The following ZHX3 variants were observed in gnomAD, a reference collection of about 807,000 sequenced individuals.
ZHX3 encodes the protein zinc fingers and homeoboxes protein 3.
ZHX3 carries 20 observed loss-of-function variants against 64.5 expected under a neutral mutation model. The ratio of observed to expected loss-of-function variants is 0.31; its 90% CI spans 0.22 to 0.45. ZHX3 has a LOEUF of 0.45. ZHX3 is among the 20% of genes least tolerant of loss of function. The pLI, the probability that ZHX3 is intolerant of heterozygous loss-of-function variation, is 1.00. For missense variants in ZHX3, 1,041 were observed against 1,195.8 expected (o/e 0.87, Z 1.91); for synonymous variants, 423 against 461.6 (o/e 0.92, Z 1.07).
intron 2 of ZHX3, among the ~76,000 whole-genome samples, chr20:41,233,487 G>A (rs889076281): frequency 5.3e-5 from 8 of 152,192 alleles, no homozygotes; most frequent in Non-Finnish European, 1.2e-4. Context: ...CCATCTTGTT[G>A]CCAGATGGGA....
Position 41,184,779 on chromosome 20 carries a change from A to T in ZHX3, c.*412T>A. 1 of 1,039,906 alleles carries T rather than the reference A, an allele frequency of 9.6e-7. No homozygotes were observed. Among genetic ancestry groups the T allele is most frequent in the South Asian group, 1.7e-5 (1 of 58,620 alleles). 64.4% of individuals were successfully genotyped at this position (1,039,906 alleles called of 1,614,324 possible). A position where few individuals can be genotyped will look rare whatever the true frequency, so the allele number is the denominator to read the frequency against. On this transcript the variant is annotated 3_prime_UTR_variant, in exon 4 of 4. Transcript: ENST00000683867. Reference sequence around the variant, plus strand: ...CACAGGTCATTTTTAGAGATGACGTAACTGACAATGCACTGCTTGGCTAAC... The same window carrying T: ...CACAGGTCATTTTTAGAGATGACGTTACTGACAATGCACTGCTTGGCTAAC...
chr20:41,242,110 T>C (rs2041419953), intron 2 of ZHX3, among the ~76,000 whole-genome samples: 1 of 152,160 alleles, frequency 6.6e-6, no homozygotes, highest in Admixed American at 6.6e-5. Context: ...ACTATAGTTG[T>C]CTCTGCCCTC....
chr20:41,245,057 G>C (rs1478241838), intron 2 of ZHX3, among the ~76,000 whole-genome samples: 1 of 152,190 alleles, frequency 6.6e-6, no homozygotes, highest in Non-Finnish European at 1.5e-5. Flanking sequence ...AGGTAAAGCT[G>C]AGGCTGGGGA....
intron 1 of ZHX3, among the ~76,000 whole-genome samples, chr20:41,277,261 C>G (rs752803085): frequency 3.4e-4 from 51 of 152,140 alleles, no homozygotes; most frequent in Non-Finnish European, 6.8e-4. Context: ...CCCAGGAGTT[C>G]AAGGTCAGCC....
Position 41,184,411 on chromosome 20 carries a change from A to G in ZHX3, c.*780T>C, listed in dbSNP as rs1199863045. The G allele has an allele frequency of 6.5e-6, 1 of 154,548 alleles. No homozygotes were observed. Among genetic ancestry groups the G allele is most frequent in the Non-Finnish European group, 1.4e-5 (1 of 69,738 alleles). 9.6% of individuals were successfully genotyped at this position (154,548 alleles called of 1,614,324 possible). A position where few individuals can be genotyped will look rare whatever the true frequency, so the allele number is the denominator to read the frequency against. On this transcript the variant is annotated 3_prime_UTR_variant, in exon 4 of 4. Coordinates refer to ENST00000683867, the MANE Select transcript of ZHX3 (RefSeq NM_001384317.1). ...GTTTCTTTAGTTGATCTGATAACTG[A>G]AAAGTTATGGTCCATGATTCAAACT...
chr20:41,222,298 G>T (rs1220178927), intron 2 of ZHX3, among the ~76,000 whole-genome samples: 1 of 152,190 alleles, frequency 6.6e-6, no homozygotes, highest in Non-Finnish European at 1.5e-5. Flanking sequence ...CAAGATTTTT[G>T]ATCTAAGCAA....
chr20:41,299,076 T>A (rs915604862), intron 1 of ZHX3, among the ~76,000 whole-genome samples: 1 of 152,140 alleles, frequency 6.6e-6, no homozygotes, highest in Non-Finnish European at 1.5e-5. Flanking sequence ...ACACCAGAAA[T>A]AAACATAATT....
chr20:41,261,175 G>C (rs1045701769), intron 2 of ZHX3, among the ~76,000 whole-genome samples: 8 of 151,984 alleles, frequency 5.3e-5, no homozygotes, highest in African/African-American at 1.9e-4. Flanking sequence ...TGAGAAGGAA[G>C]AGAGAAAAAA....
chr20:41,253,564 G>A (rs1368628512), intron 2 of ZHX3, among the ~76,000 whole-genome samples: 1 of 152,088 alleles, frequency 6.6e-6, no homozygotes, highest in Non-Finnish European at 1.5e-5. Flanking sequence ...ATTCCTCTGG[G>A]GAGTAGGGGT....
In ZHX3 at chr20:41,195,326, G is replaced by A. The variant is rs2146170624; in HGVS notation, c.2860+6731C>T. 6.6e-6 allele frequency among the ~76,000 whole-genome samples: 1 copy of A among 152,230 alleles called. No homozygotes were observed. Among genetic ancestry groups the A allele is most frequent in the East Asian group, 1.9e-4 (1 of 5,186 alleles). ...AGACAGGATCCCACTTTGTTACCCA[G>A]GCAGGTCTCAAACTCCTGGCCTCAA... On this transcript the variant is annotated intron_variant, in intron 3 of 3. Coordinates refer to ENST00000683867, the MANE Select transcript of ZHX3 (RefSeq NM_001384317.1). This position sits in a 1 kb window ranked among gnomAD's most constrained non-coding sequence, Gnocchi z 4.2.
At position 41,203,462 on chromosome 20, in the gene ZHX3, G is replaced by C; in HGVS notation, c.1455C>G (p.Ser485Arg). Reference sequence around the variant, plus strand: ...CATCAAGGAAGGCTTGGGAGGTTATGCTGGGGCAGGCCGTGAGGAGCGACT... The same window carrying C: ...CATCAAGGAAGGCTTGGGAGGTTATCCTGGGGCAGGCCGTGAGGAGCGACT... ...AAQSLLTACP[S>R]ITSQAFLDAS... Residue 485 changes from serine (S) to arginine (R), a missense_variant, in exon 3 of 4, where the codon AGC (serine) becomes AGG (arginine). Coordinates refer to ENST00000683867, the MANE Select transcript of ZHX3 (RefSeq NM_001384317.1). This position sits in a 1 kb window ranked among gnomAD's most constrained non-coding sequence, Gnocchi z 7.1. 1 of 1,614,218 alleles carries C rather than the reference G, an allele frequency of 6.2e-7. No homozygotes were observed. Among genetic ancestry groups the C allele is most frequent in the South Asian group, 1.1e-5 (1 of 91,084 alleles).
At chr20:41,192,564 C>T (rs1223810555) in intron 3 of ZHX3, among the ~76,000 whole-genome samples, 1 of 152,248 alleles carries the variant, frequency 6.6e-6, no homozygotes, top group Non-Finnish European at 1.5e-5. Flanking sequence ...GTAGCTGGCA[C>T]CATAGTTGTA....
At position 41,254,094 on chromosome 20, in the gene ZHX3, G is replaced by C. The variant is rs75706643; in HGVS notation, c.-151+14896C>G. ...GAGCCCAGGAATGTGAGACCAGCCT[G>C]GGCAACATCGCAAGACCCTGTCTCT... On this transcript the variant is annotated intron_variant, in intron 2 of 3. Transcript: ENST00000683867. Among the ~76,000 whole-genome samples the C allele has an allele frequency of 1.7e-3, 252 of 152,166 alleles. 3 individuals are homozygous for C. The East Asian group carries it at 0.043, about 26-fold the overall frequency.
intron 2 of ZHX3, among the ~76,000 whole-genome samples, chr20:41,206,354 C>T (rs377593577): frequency 3.3e-5 from 5 of 152,158 alleles, no homozygotes; most frequent in South Asian, 2.1e-4. Flanking sequence ...ACAAACTTCT[C>T]TGAGCTAAAG....
At chr20:41,317,309 T>C (rs768396668) in intron 1 of ZHX3, 200 bp downstream of exon 1, 3 of 151,634 alleles carry the variant, frequency 2.0e-5, no homozygotes, top group Non-Finnish European at 2.9e-5. Flanking sequence ...CCTCTCAGCA[T>C]GGGGGTGCTG....
rs1196705895 is a variant in ZHX3 at position 41,184,228 on chromosome 20, C to G, written c.*963G>C. ...CTGAAATGAGTGTGGAGAAAGGGCT[C>G]TGAAAACCGCAGTGGTCAAAGCTTC... On this transcript the variant is annotated 3_prime_UTR_variant, in exon 4 of 4. Coordinates refer to ENST00000683867, the MANE Select transcript of ZHX3 (RefSeq NM_001384317.1). 1 of 152,232 alleles carries G rather than the reference C, an allele frequency of 6.6e-6. No homozygotes were observed. Among genetic ancestry groups the G allele is most frequent in the Non-Finnish European group, 1.5e-5 (1 of 68,092 alleles). 9.4% of individuals were successfully genotyped at this position (152,232 alleles called of 1,614,324 possible).
At chr20:41,310,122 T>G (rs1434154020) in intron 1 of ZHX3, among the ~76,000 whole-genome samples, 1 of 152,146 alleles carries the variant, frequency 6.6e-6, no homozygotes, top group Admixed American at 6.5e-5. Context: ...GTTCCTCTGC[T>G]CCACTGTCTT....
chr20:41,208,818 A>G (rs2038933702), intron 2 of ZHX3, among the ~76,000 whole-genome samples: 1 of 152,170 alleles, frequency 6.6e-6, no homozygotes, highest in African/African-American at 2.4e-5. Context: ...TCCTATTAAC[A>G]TAGTGTTGGA....
intron 1 of ZHX3, among the ~76,000 whole-genome samples, chr20:41,312,814 C>A (rs553377381): frequency 1.3e-5 from 2 of 152,092 alleles, no homozygotes; most frequent in Non-Finnish European, 2.9e-5. Context: ...AGAGGGAGCA[C>A]GTCAGAGTAA....
Sources: allele counts gnomAD v4.1 joint callset (sites outside exome capture counted in the v4.1 genomes callset), GRCh38; gene constraint gnomAD v4.1.1; non-coding constraint Gnocchi (gnomAD v3.1); transcripts MANE v1.5; gene names NCBI Gene and HGNC (gene_info 2026-07-23, HGNC 2026-07-21).